Variants in COG6 observed in about 807,000 individuals in gnomAD.
COG6 encodes conserved oligomeric Golgi complex subunit 6.
COG6 carries 74 observed loss-of-function variants against 88.8 expected under a neutral mutation model. The ratio of observed to expected loss-of-function variants is 0.83; its 90% CI spans 0.69 to 1.01. The LOEUF (loss-of-function observed/expected upper bound fraction) is 1.01, where lower values mean the gene tolerates loss of function less well. COG6 is among the 50% of genes least tolerant of loss of function. COG6 has a pLI of 0.00. For missense variants in COG6, 800 were observed against 797.9 expected (o/e 1.00, Z -0.03); for synonymous variants, 286 against 278.7 (o/e 1.03, Z -0.26).
intron 12 of COG6, among the ~76,000 whole-genome samples, chr13:39,696,101 C>T (rs1877257099): frequency 6.6e-6 from 1 of 151,690 alleles, no homozygotes; most frequent in South Asian, 2.1e-4. Flanking sequence ...TTTTTTTAGG[C>T]TCTGAGAATT....
At chr13:39,724,410 G>T in intron 16 of COG6, 98 bp from the exon 17 acceptor site, 1 of 873,772 alleles carries the variant, frequency 1.1e-6, no homozygotes, top group Non-Finnish European at 1.8e-6. Flanking sequence ...TTCCAAATTT[G>T]GGCAGTGCAC....
intron 18 of COG6, among the ~76,000 whole-genome samples, chr13:39,765,313 G>A (rs1881132624): frequency 6.6e-6 from 1 of 152,120 alleles, no homozygotes; most frequent in Non-Finnish European, 1.5e-5. Context: ...TGATCCCATG[G>A]TAAATTAAGC....
At chr13:39,689,876 C>G in intron 11 of COG6, 52 bp downstream of exon 11, 1 of 1,147,070 alleles carries the variant, frequency 8.7e-7, no homozygotes, top group Non-Finnish European at 1.3e-6. Flanking sequence ...TAAATTATTA[C>G]CTTATTTATA....
intron 4 of COG6, among the ~76,000 whole-genome samples, chr13:39,668,452 G>A (rs1433000222): frequency 6.6e-6 from 1 of 152,040 alleles, no homozygotes; most frequent in Non-Finnish European, 1.5e-5. Flanking sequence ...CTTTTTAAAT[G>A]TTAAACTTTA....
intron 18 of COG6, among the ~76,000 whole-genome samples, chr13:39,773,595 G>A (rs1881377564): frequency 6.6e-6 from 1 of 152,164 alleles, no homozygotes; most frequent in South Asian, 2.1e-4. Context: ...TCACTTAGGA[G>A]TTACTCTATT....
intron 18 of COG6, among the ~76,000 whole-genome samples, chr13:39,749,172 A>G (rs1880493498): frequency 6.6e-6 from 1 of 152,204 alleles, no homozygotes; most frequent in Admixed American, 6.5e-5. Context: ...ATAGCCACTG[A>G]TTCAGCATTT....
intron 18 of COG6, among the ~76,000 whole-genome samples, chr13:39,776,480 G>GC (rs1170229227): frequency 6.6e-6 from 1 of 152,156 alleles, no homozygotes; most frequent in African/African-American, 2.4e-5. Context: ...TTAGATATTA[G>GC]CCCTTCTGAT....
At chr13:39,754,471 C>T (rs1880767864), downstream of COG6, among the ~76,000 whole-genome samples, 1 of 152,106 alleles carries the variant, frequency 6.6e-6, no homozygotes, top group African/African-American at 2.4e-5. Context: ...GAGGGAAACA[C>T]AGGATGTGTT....
At chr13:39,698,810 T>C (rs1877415963) in intron 12 of COG6, among the ~76,000 whole-genome samples, 1 of 151,810 alleles carries the variant, frequency 6.6e-6, no homozygotes, top group Non-Finnish European at 1.5e-5. Flanking sequence ...TTTTAGTATG[T>C]GAATTAGGAG....
chr13:39,749,761 A>G (rs1248383306), intron 18 of COG6, among the ~76,000 whole-genome samples: 1 of 152,202 alleles, frequency 6.6e-6, no homozygotes, highest in East Asian at 1.9e-4. Flanking sequence ...AGAACAGTCA[A>G]GGGTTGCACT....
chr13:39,735,932 G>A (rs988433995), intron 18 of COG6, among the ~76,000 whole-genome samples: 3 of 151,842 alleles, frequency 2.0e-5, no homozygotes, highest in African/African-American at 4.8e-5. Context: ...CTGCTTTTAC[G>A]TTCTTTTTCT....
chr13:39,743,473 C>A (rs1170729213), intron 18 of COG6, among the ~76,000 whole-genome samples: 1 of 152,178 alleles, frequency 6.6e-6, no homozygotes, highest in African/African-American at 2.4e-5. Flanking sequence ...ATACTATAAA[C>A]ACCTCTATGC....
intron 12 of COG6, among the ~76,000 whole-genome samples, chr13:39,697,929 G>T (rs1220063884): frequency 6.6e-6 from 1 of 151,996 alleles, no homozygotes; most frequent in East Asian, 1.9e-4. Flanking sequence ...TGGGTGTGTT[G>T]TGGTGGAGGA....
downstream of COG6, among the ~76,000 whole-genome samples, chr13:39,755,396 G>A (rs571276694): frequency 1.3e-5 from 2 of 152,086 alleles, no homozygotes; most frequent in South Asian, 2.1e-4. Context: ...TTAAAAAACC[G>A]GCCTTTATCT....
intron 14 of COG6, 123 bp downstream of exon 14, chr13:39,719,490 A>G: frequency 1.7e-6 from 2 of 1,196,090 alleles, no homozygotes; most frequent in Non-Finnish European, 2.4e-6. Context: ...ATTTTCCATC[A>G]AATATTAAAC....
At chr13:39,659,067 A>G (rs528228909) in intron 1 of COG6, among the ~76,000 whole-genome samples, 57 of 152,206 alleles carry the variant, frequency 3.7e-4, no homozygotes, top group African/African-American at 1.3e-3. Flanking sequence ...GAATGAGTAT[A>G]TCATAATTTA....
chr13:39,727,411 G>T, intron 17 of COG6, 58 bp from the exon 18 acceptor site: 1 of 1,199,064 alleles, frequency 8.3e-7, no homozygotes, highest in Non-Finnish European at 1.2e-6. Flanking sequence ...GTTTATATTT[G>T]AGTTGTTTGT....
At chr13:39,671,393 G>A (rs1029598861) in intron 4 of COG6, among the ~76,000 whole-genome samples, 1 of 151,472 alleles carries the variant, frequency 6.6e-6, no homozygotes, top group African/African-American at 2.4e-5. Flanking sequence ...CAATACAAAA[G>A]AGCTTTTTTT....
rs774527040 is a variant in COG6, at chr13:39,687,761, A to G, written c.971A>G (p.Glu324Gly). The G allele has an allele frequency of 2.5e-6, 4 of 1,614,070 alleles. No homozygotes were observed. Among genetic ancestry groups the G allele is most frequent in the Non-Finnish European group, 2.5e-6 (3 of 1,179,960 alleles). The change falls in exon 10 of 19, where the codon GAA becomes GGA. Residue 324 changes from glutamate to glycine, a missense_variant. Coordinates refer to ENST00000455146, the MANE Select transcript of COG6 (RefSeq NM_020751.3). ...CATCAAGCTACTGCTTCTGAAAAGGAACACCTTGAAGCTCTCTTAAAGCAT... is the reference window on the plus strand; with the variant it reads ...CATCAAGCTACTGCTTCTGAAAAGGGACACCTTGAAGCTCTCTTAAAGCAT... ...WLHQATASEK[E>G]HLEALLKHVT... is the part of the protein sequence containing the mutation.
Sources: gnomAD v4.1 joint callset for allele counts (sites outside exome capture counted in the v4.1 genomes callset) on GRCh38, gnomAD v4.1.1 for gene constraint, MANE v1.5 for transcripts, NCBI Gene and HGNC (gene_info 2026-07-23, HGNC 2026-07-21) for gene names.